Variants in SCAPER observed in about 807,000 individuals in gnomAD.
SCAPER encodes S-phase cyclin A associated protein in the ER, also known as S phase cyclin A-associated protein in the endoplasmic reticulum.
SCAPER carries 98 observed loss-of-function variants against 182.2 expected under a neutral mutation model. The ratio of observed to expected loss-of-function variants is 0.54; its 90% CI spans 0.46 to 0.64. The LOEUF is 0.64. SCAPER is among the 30% of genes least tolerant of loss of function. The pLI is 0.00. For missense variants in SCAPER, 1,432 were observed against 1,690.0 expected (o/e 0.85, Z 2.68); for synonymous variants, 605 against 564.6 (o/e 1.07, Z -1.01).
At chr15:76,848,219 T>C (rs1458951508) in intron 4 of SCAPER, among the ~76,000 whole-genome samples, 1 of 151,906 alleles carries the variant, frequency 6.6e-6, no homozygotes, top group Admixed American at 6.6e-5. Flanking sequence ...AGGCTGGTCT[T>C]GAACTCCTAA....
At chr15:76,509,029 GA>G (rs1480280216) in intron 23 of SCAPER, among the ~76,000 whole-genome samples, 1 of 152,098 alleles carries the variant, frequency 6.6e-6, no homozygotes, top group Non-Finnish European at 1.5e-5. Flanking sequence ...CAAGTGTAGG[GA>G]AAATGGTAAA....
chr15:76,372,871 T>G (rs2042278800), intron 29 of SCAPER, among the ~76,000 whole-genome samples: 1 of 152,142 alleles, frequency 6.6e-6, no homozygotes, highest in African/African-American at 2.4e-5. Context: ...GACGCAAGCA[T>G]TTGTACAGCA....
intron 21 of SCAPER, among the ~76,000 whole-genome samples, chr15:76,653,250 T>C (rs1328328374): frequency 1.3e-5 from 2 of 152,168 alleles, no homozygotes; most frequent in East Asian, 1.9e-4. Context: ...TCCATGCTCA[T>C]GGATTGGAAG....
At chr15:76,611,440 C>CT (rs1030862629) in intron 22 of SCAPER, among the ~76,000 whole-genome samples, 5 of 152,008 alleles carry the variant, frequency 3.3e-5, no homozygotes, top group Admixed American at 2.6e-4. Context: ...CAGTAACAGC[C>CT]TACCACCCAA....
intron 17 of SCAPER, among the ~76,000 whole-genome samples, chr15:76,726,809 T>A (rs1465620026): frequency 6.6e-6 from 1 of 151,996 alleles, no homozygotes; most frequent in Non-Finnish European, 1.5e-5. Flanking sequence ...GAAAGTAGCA[T>A]GACGATTGTC....
intron 22 of SCAPER, among the ~76,000 whole-genome samples, chr15:76,613,050 G>T (rs979604057): frequency 6.6e-6 from 1 of 152,200 alleles, no homozygotes; most frequent in Non-Finnish European, 1.5e-5. Context: ...AACCAAAACA[G>T]CATGGTACTG....
At chr15:76,403,876 A>G (rs1221315975) in intron 27 of SCAPER, among the ~76,000 whole-genome samples, 1 of 152,074 alleles carries the variant, frequency 6.6e-6, no homozygotes, top group African/African-American at 2.4e-5. Flanking sequence ...TGTCCTTCCT[A>G]GAGAATTATT....
chr15:76,638,758 C>T (rs1262034734), intron 21 of SCAPER, among the ~76,000 whole-genome samples: 1 of 152,096 alleles, frequency 6.6e-6, no homozygotes, highest in Non-Finnish European at 1.5e-5. Context: ...TTGGTCATTG[C>T]TGTATTTTAA....
intron 23 of SCAPER, among the ~76,000 whole-genome samples, chr15:76,518,011 A>C (rs929256923): frequency 6.6e-6 from 1 of 152,216 alleles, no homozygotes; most frequent in African/African-American, 2.4e-5. Context: ...CTAGATTCTA[A>C]GGGACTGAAA....
intron 14 of SCAPER, among the ~76,000 whole-genome samples, chr15:76,761,945 T>C (rs2062811674): frequency 6.6e-6 from 1 of 152,222 alleles, no homozygotes; most frequent in Non-Finnish European, 1.5e-5. Context: ...ATTTGTTTTA[T>C]ATATTTATGT....
At chr15:76,895,053 T>TAAAA (rs1240921908) in intron 1 of SCAPER, among the ~76,000 whole-genome samples, 5 of 152,158 alleles carry the variant, frequency 3.3e-5, no homozygotes, top group African/African-American at 1.2e-4. Flanking sequence ...ACCCTAATAC[T>TAAAA]AAAGCCAGAC....
intron 23 of SCAPER, among the ~76,000 whole-genome samples, chr15:76,564,812 G>A (rs1006287862): frequency 3.3e-5 from 5 of 151,974 alleles, no homozygotes; most frequent in East Asian, 1.9e-4. Flanking sequence ...GTACTGGTAC[G>A]AAAACAGACA....
At chr15:76,471,152 C>T (rs957066917) in intron 25 of SCAPER, 60 bp downstream of exon 25, 3 of 1,368,382 alleles carry the variant, frequency 2.2e-6, no homozygotes, top group Non-Finnish European at 2.9e-6. Context: ...TTAGTTTTCT[C>T]CACAGGGACT....
chr15:76,703,436 C>T (rs901682710), intron 18 of SCAPER, among the ~76,000 whole-genome samples: 5 of 152,288 alleles, frequency 3.3e-5, no homozygotes, highest in East Asian at 3.9e-4. Flanking sequence ...TGTTAACCTA[C>T]GGGTAAAGCA....
intron 5 of SCAPER, among the ~76,000 whole-genome samples, chr15:76,825,015 G>C (rs1405161944): frequency 6.6e-6 from 1 of 152,104 alleles, no homozygotes; most frequent in Non-Finnish European, 1.5e-5. Context: ...GAGACCTACT[G>C]CCACTAAGAA....
chr15:76,889,672 A>G (rs1454858064), intron 1 of SCAPER, among the ~76,000 whole-genome samples: 1 of 152,202 alleles, frequency 6.6e-6, no homozygotes, highest in South Asian at 2.1e-4. Context: ...TTCATAAAGC[A>G]AGTCCTTAGA....
chr15:76,822,200 A>T (rs1211040886), intron 5 of SCAPER, among the ~76,000 whole-genome samples: 1 of 152,230 alleles, frequency 6.6e-6, no homozygotes, highest in Non-Finnish European at 1.5e-5. Flanking sequence ...CATCAATTGT[A>T]ACAAATATAC....
Position 76,530,189 on chromosome 15 carries a change from G to A in SCAPER, c.2839-25215C>T, listed in dbSNP as rs115811671. Among the ~76,000 whole-genome samples the A allele has an allele frequency of 5.9e-3, 902 of 152,220 alleles. 4 individuals carry two copies. Among genetic ancestry groups the A allele is most frequent in the African/African-American group, 0.021 (868 of 41,552 alleles). ...TAATGAGAACATACTGCATAATACC[G>A]TTACGCCTTTTAGTGGAGAGATGAA... On this transcript the variant is annotated intron_variant, in intron 23 of 31. Coordinates refer to ENST00000563290, the MANE Select transcript of SCAPER (RefSeq NM_020843.4).
intron 29 of SCAPER, among the ~76,000 whole-genome samples, chr15:76,366,585 A>G (rs898815452): frequency 6.6e-6 from 1 of 152,194 alleles, no homozygotes; most frequent in Admixed American, 6.5e-5. Flanking sequence ...ATTAAGGCCC[A>G]TTAAATGTTC....
Sources: gnomAD v4.1 joint callset for allele counts (sites outside exome capture counted in the v4.1 genomes callset) on GRCh38, gnomAD v4.1.1 for gene constraint, MANE v1.5 for transcripts, NCBI Gene and HGNC (gene_info 2026-07-23, HGNC 2026-07-21) for gene names.